The following TCF4 variants were observed in gnomAD, a reference collection of about 807,000 sequenced individuals.
TCF4 encodes SL3-3 enhancer factor 2.
TCF4 carries 3 observed loss-of-function variants against 82.1 expected under a neutral mutation model. The observed-to-expected ratio is 0.04, with a 90% CI of 0.02 to 0.09. The LOEUF (loss-of-function observed/expected upper bound fraction) is 0.09, where lower values mean the gene tolerates loss of function less well. Ranked by LOEUF, TCF4 falls within the 10% of genes least tolerant of loss-of-function variation. The pLI is 1.00. For missense variants in TCF4, 518 were observed against 852.7 expected (o/e 0.61, Z 4.89); for synonymous variants, 276 against 309.6 (o/e 0.89, Z 1.14).
intron 5 of TCF4, among the ~76,000 whole-genome samples, chr18:55,408,822 GA>G (rs11309751): frequency 0.31 from 45,580 of 145,976 alleles, 7,234 homozygotes; most frequent in East Asian, 0.49. Flanking sequence ...AACTCTGGGG[GA>G]AAAAAAAAAA....
intron 3 of TCF4, among the ~76,000 whole-genome samples, chr18:55,491,520 C>T (rs1318202443): frequency 6.6e-6 from 1 of 152,146 alleles, no homozygotes; most frequent in Non-Finnish European, 1.5e-5. Context: ...GTTTCCTTAC[C>T]ATCTTTCCTT....
At chr18:55,401,063 A>G in intron 6 of TCF4, 9 of 1,289,088 alleles carry the variant, frequency 7.0e-6, no homozygotes, top group Non-Finnish European at 8.1e-6. Context: ...AGCCCAAGAT[A>G]CTGAGATTTT....
At chr18:55,325,234 T>C (rs908120308) in intron 8 of TCF4, among the ~76,000 whole-genome samples, 1 of 152,150 alleles carries the variant, frequency 6.6e-6, no homozygotes, top group Non-Finnish European at 1.5e-5. Context: ...TAAGCTCCAT[T>C]TGGGGACATG....
intron 3 of TCF4, among the ~76,000 whole-genome samples, chr18:55,506,403 T>C (rs2096760318): frequency 6.6e-6 from 1 of 152,214 alleles, no homozygotes; most frequent in Non-Finnish European, 1.5e-5. Flanking sequence ...TTTGATAATA[T>C]ATTTTATTTA....
At chr18:55,275,275 GAAAA>G (rs533160424) in intron 10 of TCF4, among the ~76,000 whole-genome samples, 4 of 71,376 alleles carry the variant, frequency 5.6e-5, no homozygotes, top group East Asian at 4.6e-4. Context: ...ACTACAGATA[GAAAA>G]AAAAAAAAAA....
chr18:55,361,131 C>T (rs1030300789), intron 6 of TCF4, among the ~76,000 whole-genome samples: 1 of 152,068 alleles, frequency 6.6e-6, no homozygotes, highest in Non-Finnish European at 1.5e-5. Context: ...TTCAGACTTC[C>T]CTCTCCCCAT....
chr18:55,515,765 A>G (rs2096875286), intron 3 of TCF4, among the ~76,000 whole-genome samples: 1 of 152,166 alleles, frequency 6.6e-6, no homozygotes, highest in African/African-American at 2.4e-5. Flanking sequence ...TTGGCTTGAA[A>G]AGGACAGAAC....
chr18:55,581,608 G>C (rs560557913), intron 3 of TCF4, among the ~76,000 whole-genome samples: 15 of 151,476 alleles, frequency 9.9e-5, no homozygotes, highest in African/African-American at 3.4e-4. Flanking sequence ...TTTTTTTCAT[G>C]CCATCACTAT....
chr18:55,537,080 G>A (rs896743714), intron 3 of TCF4, among the ~76,000 whole-genome samples: 2 of 147,262 alleles, frequency 1.4e-5, no homozygotes, highest in African/African-American at 5.0e-5. Flanking sequence ...CTGGCAGTGA[G>A]CAAAGATCAC....
At chr18:55,480,041 C>T (rs915567833) in intron 3 of TCF4, among the ~76,000 whole-genome samples, 1 of 152,100 alleles carries the variant, frequency 6.6e-6, no homozygotes, top group Non-Finnish European at 1.5e-5. Flanking sequence ...TCTCGTCTGT[C>T]TCAAGAAAAT....
At position 55,269,959 on chromosome 18, in the gene TCF4, T is replaced by A. The variant is rs2059995685; in HGVS notation, c.794A>T (p.Tyr265Phe). The A allele has an allele frequency of 1.2e-6, 2 of 1,613,214 alleles. No homozygotes were observed. Among genetic ancestry groups the A allele is most frequent in the Non-Finnish European group, 1.7e-6 (2 of 1,179,368 alleles). The change falls in exon 11 of 20, where the codon TAT becomes TTT. Residue 265 changes from tyrosine to phenylalanine, a missense_variant. Transcript: ENST00000354452. Reference sequence around the variant, plus strand: ...GATGTCTGCTGAGGAGTGTGATGGATAGCTCTATAGCAAGAAGCAGAAAAA... The same window carrying A: ...GATGTCTGCTGAGGAGTGTGATGGAAAGCTCTATAGCAAGAAGCAGAAAAA... The part of the protein sequence containing the change: ...CSLHPHERLS[Y>F]PSHSSADINS...
chr18:55,248,576 C>A lies in TCF4; in HGVS notation c.1350+5921G>T, dbSNP rs74789987. ...GCAACTCATTGCAGGCAGCCTAGGGCCAACTACAGAGTTTTCTTGGATTTC... is the reference window on the plus strand; with the variant it reads ...GCAACTCATTGCAGGCAGCCTAGGGACAACTACAGAGTTTTCTTGGATTTC... On this transcript the variant is annotated intron_variant, in intron 15 of 19. Transcript: ENST00000354452. 1.3e-3 allele frequency among the ~76,000 whole-genome samples: 195 copies of A among 152,268 alleles called. 1 individual carries two copies. The highest frequency in any genetic ancestry group is 4.5e-3 in the African/African-American group (187 of 41,556).
At chr18:55,275,785 A>C (rs1193889354) in intron 9 of TCF4, 33 bp from the exon 10 acceptor site, 6 of 1,613,412 alleles carry the variant, frequency 3.7e-6, no homozygotes, top group Non-Finnish European at 5.1e-6. Flanking sequence ...TGACTTTCTG[A>C]GGCATTCAGC....
At chr18:55,457,348 G>A (rs1781420146) in intron 5 of TCF4, among the ~76,000 whole-genome samples, 1 of 152,328 alleles carries the variant, frequency 6.6e-6, no homozygotes, top group African/African-American at 2.4e-5. Context: ...CATACATTGT[G>A]TGTATGGGTG....
intron 8 of TCF4, among the ~76,000 whole-genome samples, chr18:55,348,492 T>C (rs913878196): frequency 5.9e-5 from 9 of 152,160 alleles, no homozygotes; most frequent in Non-Finnish European, 1.2e-4. Flanking sequence ...TTCCCAAGTT[T>C]TGTTTATTGG....
chr18:55,521,150 C>G (rs958537232), intron 3 of TCF4, among the ~76,000 whole-genome samples: 2 of 152,014 alleles, frequency 1.3e-5, no homozygotes, highest in South Asian at 2.1e-4. Flanking sequence ...AACAATTTTC[C>G]CCCAGAAACA....
At chr18:55,300,998 C>T (rs1304381492) in intron 8 of TCF4, among the ~76,000 whole-genome samples, 8 of 152,126 alleles carry the variant, frequency 5.3e-5, no homozygotes, top group African/African-American at 1.9e-4. Context: ...AGGCCCAGAG[C>T]AGGGAATGAC....
chr18:55,386,644 A>C (rs1020556814), intron 6 of TCF4, among the ~76,000 whole-genome samples: 4 of 152,238 alleles, frequency 2.6e-5, no homozygotes, highest in African/African-American at 9.6e-5. Flanking sequence ...AAGGAAAAAG[A>C]AATATGTTTC....
At chr18:55,233,342 A>T (rs1191568743) in intron 16 of TCF4, among the ~76,000 whole-genome samples, 1 of 152,166 alleles carries the variant, frequency 6.6e-6, no homozygotes, top group Non-Finnish European at 1.5e-5. Flanking sequence ...TGTATTCTAG[A>T]ACCTTGCCAC....
Sources: allele counts gnomAD v4.1 joint callset (sites outside exome capture counted in the v4.1 genomes callset), GRCh38; gene constraint gnomAD v4.1.1; transcripts MANE v1.5; gene names NCBI Gene and HGNC (gene_info 2026-07-23, HGNC 2026-07-21).